The following CA5A variants were observed in gnomAD, a reference collection of about 807,000 sequenced individuals.
CA5A encodes carbonic anhydrase 5A, also known as carbonic anhydrase 5A, mitochondrial.
A neutral mutation model predicts 37.1 loss-of-function variants in CA5A; 28 were observed. That is an observed-to-expected ratio of 0.75 (90% CI 0.56 to 1.03). The LOEUF (loss-of-function observed/expected upper bound fraction) is 1.03. Among genes scored for constraint, CA5A ranks in the 50% least tolerant of loss-of-function variants. The probability of loss-of-function intolerance (pLI) is 0.00; values close to 1 mark genes in which losing one functional copy is unlikely to be tolerated. For synonymous variants in CA5A, 171 were observed against 158.4 expected, an observed-to-expected ratio of 1.08 and a Z score of -0.60; for missense variants, 444 against 399.9, an observed-to-expected ratio of 1.11 and a Z score of -0.94.
chr16:87,924,766 G>C (rs947773273), intron 2 of CA5A, among the ~76,000 whole-genome samples: 2 of 152,280 alleles, frequency 1.3e-5, no homozygotes, highest in African/African-American at 4.8e-5. Flanking sequence ...AGGGCATGAA[G>C]GTGAGCGTGG....
intron 1 of CA5A, among the ~76,000 whole-genome samples, chr16:87,930,521 G>T (rs990078550): frequency 6.6e-6 from 1 of 152,098 alleles, no homozygotes; most frequent in East Asian, 1.9e-4. Flanking sequence ...AGACCCAGGC[G>T]CCTGGCTTCC....
intron 2 of CA5A, among the ~76,000 whole-genome samples, chr16:87,915,131 G>A (rs572458079): frequency 2.0e-5 from 3 of 152,310 alleles, no homozygotes; most frequent in South Asian, 2.1e-4. Flanking sequence ...GCGTTGCAGC[G>A]CACGTCCGAC....
chr16:87,894,992 G>A (rs567297232), intron 5 of CA5A, among the ~76,000 whole-genome samples: 2 of 152,308 alleles, frequency 1.3e-5, no homozygotes, highest in South Asian at 2.1e-4. Flanking sequence ...GATCATGTCT[G>A]TAATCCCAGC....
chr16:87,914,759 G>A (rs1401350206), intron 2 of CA5A, among the ~76,000 whole-genome samples: 1 of 152,190 alleles, frequency 6.6e-6, no homozygotes, highest in Non-Finnish European at 1.5e-5. Flanking sequence ...CAGGACCTCA[G>A]CTGGCGGCTG....
chr16:87,913,233 C>A (rs2056077993), intron 2 of CA5A, among the ~76,000 whole-genome samples: 1 of 152,016 alleles, frequency 6.6e-6, no homozygotes, highest in African/African-American at 2.4e-5. Flanking sequence ...CCTGCCTCGG[C>A]CTCCCAAAGT....
chr16:87,935,078 G>A (rs191592274), intron 1 of CA5A, among the ~76,000 whole-genome samples: 240 of 152,372 alleles, frequency 1.6e-3, no homozygotes, highest in African/African-American at 5.6e-3. Context: ...GGACACAGAG[G>A]CTTGGGGGTG....
chr16:87,886,622 CAGG>C (rs958769036), downstream of CA5A: 6 of 152,066 alleles, frequency 3.9e-5, no homozygotes, highest in Non-Finnish European at 4.4e-5. Context: ...GAGGTCAAGG[CAGG>C]AGAACTATTG....
At chr16:87,924,602 T>C (rs900186047) in intron 2 of CA5A, among the ~76,000 whole-genome samples, 2 of 152,238 alleles carry the variant, frequency 1.3e-5, no homozygotes, top group African/African-American at 4.8e-5. Flanking sequence ...TTTCTAGGCA[T>C]ATGCAGATTT....
chr16:87,889,029 C>G (rs1310071461), intron 6 of CA5A, among the ~76,000 whole-genome samples: 3 of 151,890 alleles, frequency 2.0e-5, no homozygotes, highest in Non-Finnish European at 4.4e-5. Context: ...AAGGGATTCT[C>G]CTGCCTCAGC....
chr16:87,909,337 C>T (rs952293940), intron 2 of CA5A, among the ~76,000 whole-genome samples: 1 of 152,178 alleles, frequency 6.6e-6, no homozygotes, highest in African/African-American at 2.4e-5. Context: ...ACGGCGGCCA[C>T]CCTGGGCTGG....
intron 1 of CA5A, among the ~76,000 whole-genome samples, chr16:87,933,569 G>A (rs2056434937): frequency 6.6e-6 from 1 of 150,700 alleles, no homozygotes; most frequent in Non-Finnish European, 1.5e-5. Context: ...TTTTTTTAGA[G>A]ATGGGTTCTT....
At chr16:87,904,261 G>C (rs1192938625) in intron 3 of CA5A, among the ~76,000 whole-genome samples, 1 of 151,978 alleles carries the variant, frequency 6.6e-6, no homozygotes, top group East Asian at 1.9e-4. Context: ...AGAATCGCTT[G>C]AGCCTGGGAG....
intron 6 of CA5A, 106 bp from the exon 7 acceptor site, chr16:87,888,378 G>C: frequency 1.0e-6 from 1 of 967,218 alleles, no homozygotes. Flanking sequence ...GAATCAGGAT[G>C]GCCCGAAATG....
chr16:87,913,970 G>A lies in CA5A; in HGVS notation c.341-9066C>T, dbSNP rs559419839. On this transcript the variant is annotated intron_variant, in intron 2 of 6. Transcript: ENST00000649794. ...ACCACAAGAGGCGTGGGGAGCGGCGGCAGCGCGTTCATCCACTGTGCTTGA... is the reference window on the plus strand; with the variant it reads ...ACCACAAGAGGCGTGGGGAGCGGCGACAGCGCGTTCATCCACTGTGCTTGA... 9.2e-5 allele frequency among the ~76,000 whole-genome samples: 14 copies of A among 152,360 alleles called. No individual in the cohort carries two copies. The South Asian group carries it at 2.9e-3, about 32-fold the overall frequency.
At chr16:87,904,498 C>T (rs1334523297) in intron 3 of CA5A, among the ~76,000 whole-genome samples, 1 of 152,246 alleles carries the variant, frequency 6.6e-6, no homozygotes, top group African/African-American at 2.4e-5. Flanking sequence ...GCAAAGAGCT[C>T]AAGCTCTGAC....
Position 87,926,918 on chromosome 16 carries a change from G to T in CA5A, c.170C>A (p.Ser57Tyr). Reference protein sequence around the residue: ...TLHPLWTVPVSVPGGTRQSPI... With the variant: ...TLHPLWTVPVYVPGGTRQSPI... ...AGACTGCCGGGTGCCCCCTGGCACG[G>T]AGACCGGGACCGTCCAGAGTGGGTG... The change falls in exon 2 of 7, where the codon TCC (serine) becomes TAC (tyrosine). Residue 57 changes from serine to tyrosine, a missense_variant. Physicochemically the swap from Ser to Tyr is moderately radical, Grantham distance 144. Transcript: ENST00000649794. The T allele has an allele frequency of 6.3e-7, 1 of 1,595,418 alleles. No individual in the cohort carries two copies. Among genetic ancestry groups the T allele is most frequent in the East Asian group, 2.3e-5 (1 of 44,148 alleles).
rs555811394 is a variant in CA5A at position 87,904,767 on chromosome 16, T to A, written c.459+19A>T. ...ATGGAAAGTGTGCAGATATGTGCTG[T>A]TAGGCCACGTCTACAAACCTCTGCG... On this transcript the variant is annotated intron_variant, in intron 3 of 6. Transcript: ENST00000649794. 6.8e-7 allele frequency: 1 copy of A among 1,475,784 alleles called. No individual in the cohort carries two copies. Among genetic ancestry groups the A allele is most frequent in the African/African-American group, 1.4e-5 (1 of 72,540 alleles). 91.4% of individuals were successfully genotyped at this position (1,475,784 alleles called of 1,614,324 possible). A position where few individuals can be genotyped will look rare whatever the true frequency, so the allele number is the denominator to read the frequency against.
chr16:87,905,093 C>A (rs7193111), intron 2 of CA5A, among the ~76,000 whole-genome samples, 189 bp from the exon 3 acceptor site: 40,786 of 151,892 alleles, frequency 0.27, 6,063 homozygotes, highest in Non-Finnish European at 0.35. Flanking sequence ...CTCTGCCCCC[C>A]CCCAGCCCAG....
Position 87,888,210 on chromosome 16 carries a change from G to A in CA5A, c.837C>T (p.Asn279=), listed in dbSNP as rs749152141. The A allele has an allele frequency of 9.9e-6, 16 of 1,613,824 alleles. No individual in the cohort carries two copies. Among genetic ancestry groups the A allele is most frequent in the Non-Finnish European group, 1.3e-5 (15 of 1,179,868 alleles). ...ALGEEEKMMV[N]NYRPLQPLMN... ...TCAAGGGTTGAAGTGGGCGATAGTTGTTCACCATCATCTTCTCCTCTTCAC... is the reference window on the plus strand; with the variant it reads ...TCAAGGGTTGAAGTGGGCGATAGTTATTCACCATCATCTTCTCCTCTTCAC... Residue 279 remains asparagine (N), a synonymous_variant, in exon 7 of 7, where the codon AAC becomes AAT. Transcript: ENST00000649794.
Sources: allele counts gnomAD v4.1 joint callset (sites outside exome capture counted in the v4.1 genomes callset), GRCh38; gene constraint gnomAD v4.1.1; transcripts MANE v1.5; gene names NCBI Gene and HGNC (gene_info 2026-07-23, HGNC 2026-07-21).